The following AJAP1 variants were observed in gnomAD, a reference collection of about 807,000 sequenced individuals.
AJAP1 encodes adherens junction-associated protein 1.
In AJAP1, 5 loss-of-function variants were observed where a neutral mutation model predicts 35.0. That is an observed-to-expected ratio of 0.14 (90% CI 0.07 to 0.30). The LOEUF (loss-of-function observed/expected upper bound fraction) is 0.30. AJAP1 is among the 10% of genes least tolerant of loss of function. AJAP1 has a pLI of 1.00. For synonymous variants in AJAP1, 284 were observed against 249.3 expected (o/e 1.14, Z -1.31); for missense variants, 586 against 571.0 (o/e 1.03, Z -0.27).
intron 2 of AJAP1, among the ~76,000 whole-genome samples, chr1:4,727,858 C>T (rs968104119): frequency 8.5e-5 from 13 of 152,318 alleles, no homozygotes; most frequent in Middle Eastern, 3.4e-3. Flanking sequence ...GCCTAGTGCT[C>T]GGTCCTTCAG....
intron 2 of AJAP1, among the ~76,000 whole-genome samples, chr1:4,744,355 C>T (rs1468673932): frequency 6.6e-6 from 1 of 152,132 alleles, no homozygotes; most frequent in Admixed American, 6.5e-5. Context: ...GGGCTGAGAA[C>T]GTAAGTGATT....
chr1:4,694,817 T>C (rs1639822049), intron 1 of AJAP1, among the ~76,000 whole-genome samples: 1 of 152,052 alleles, frequency 6.6e-6, no homozygotes, highest in African/African-American at 2.4e-5. Context: ...GAGCTTTAGG[T>C]TGTGAGCACA....
In AJAP1 at chr1:4,656,441, C is replaced by T. The variant is rs1638884177; in HGVS notation, c.29+987C>T. Among the ~76,000 whole-genome samples, 1 of 152,188 alleles carries T rather than the reference C, an allele frequency of 6.6e-6. No homozygotes were observed. The highest frequency in any genetic ancestry group is 1.5e-5 in the Non-Finnish European group (1 of 68,036). On this transcript the variant is annotated intron_variant, in intron 1 of 5. Coordinates refer to ENST00000378191, the MANE Select transcript of AJAP1 (RefSeq NM_018836.4). This position sits in a 1 kb window ranked among gnomAD's most constrained non-coding sequence, Gnocchi z 5.7. ...GGACAGAGGTGGAGGCGGAGAGCAGCGTGCGGTTCTCGAGTTTGTCCACTG... is the reference window on the plus strand; with the variant it reads ...GGACAGAGGTGGAGGCGGAGAGCAGTGTGCGGTTCTCGAGTTTGTCCACTG...
At chr1:4,774,051 T>C (rs1256849896) in intron 4 of AJAP1, among the ~76,000 whole-genome samples, 2 of 152,214 alleles carry the variant, frequency 1.3e-5, no homozygotes, top group African/African-American at 4.8e-5. Flanking sequence ...GTTCTATCCT[T>C]TCTGTCATGT....
Position 4,734,033 on chromosome 1 carries a change from T to G in AJAP1, c.829+21334T>G. ...TTGCCGGAGCTCCAATTAGCGGCTT[T>G]TGTAAGCGATCACGTACCGAGTATT... On this transcript the variant is annotated intron_variant, in intron 2 of 5. Coordinates refer to ENST00000378191, the MANE Select transcript of AJAP1 (RefSeq NM_018836.4). The surrounding 1 kb of genome is among the most constrained non-coding windows in gnomAD (Gnocchi z 4.3). Among the ~76,000 whole-genome samples, 1 of 152,212 alleles carries G rather than the reference T, an allele frequency of 6.6e-6. No individual in the cohort carries two copies. Among genetic ancestry groups the G allele is most frequent in the East Asian group, 1.9e-4 (1 of 5,182 alleles).
At chr1:4,735,030 C>T (rs867912630) in intron 2 of AJAP1, among the ~76,000 whole-genome samples, 3 of 152,228 alleles carry the variant, frequency 2.0e-5, no homozygotes, top group South Asian at 4.1e-4. Flanking sequence ...AGCCGTCCTG[C>T]TTTGCTTACA....
chr1:4,752,167 AGAG>A (rs1005201402), intron 2 of AJAP1, among the ~76,000 whole-genome samples: 5 of 147,524 alleles, frequency 3.4e-5, no homozygotes, highest in Admixed American at 6.8e-5. Flanking sequence ...AGGAGGGAGG[AGAG>A]GAGGAGGAGG....
intron 2 of AJAP1, among the ~76,000 whole-genome samples, chr1:4,756,933 TCCCTAGCCTC>T (rs915213676): frequency 6.6e-6 from 1 of 152,010 alleles, no homozygotes; most frequent in Non-Finnish European, 1.5e-5. Flanking sequence ...CCCCTAGCCC[TCCCTAGCCTC>T]ATCTCTGTCA....
intron 4 of AJAP1, among the ~76,000 whole-genome samples, chr1:4,772,911 G>A (rs533900302): frequency 1.3e-5 from 2 of 152,100 alleles, no homozygotes; most frequent in South Asian, 4.1e-4. Flanking sequence ...CGGAGTCAGC[G>A]TCTCTGAGCC....
intron 1 of AJAP1, among the ~76,000 whole-genome samples, chr1:4,676,638 G>A (rs554439266): frequency 1.3e-5 from 2 of 152,286 alleles, no homozygotes; most frequent in South Asian, 2.1e-4. Flanking sequence ...CGGGAGTGAG[G>A]GAGACTGGAT....
chr1:4,669,455 G>A (rs573170509), intron 1 of AJAP1, among the ~76,000 whole-genome samples: 2 of 152,294 alleles, frequency 1.3e-5, no homozygotes, highest in South Asian at 4.1e-4. Context: ...CCTTCACAGG[G>A]CGGCAGGATG....
chr1:4,773,739 G>A (rs1208552194), intron 4 of AJAP1, among the ~76,000 whole-genome samples: 2 of 152,238 alleles, frequency 1.3e-5, no homozygotes, highest in Non-Finnish European at 2.9e-5. Context: ...TGGCTTGGAC[G>A]TGAATCTGGG....
At chr1:4,717,612 C>T (rs982272522) in intron 2 of AJAP1, among the ~76,000 whole-genome samples, 9 of 152,158 alleles carry the variant, frequency 5.9e-5, no homozygotes, top group African/African-American at 1.7e-4. Flanking sequence ...TCCTTGTCAC[C>T]GAGTGGGAGC....
At chr1:4,735,521 G>A (rs949327287) in intron 2 of AJAP1, among the ~76,000 whole-genome samples, 10 of 152,314 alleles carry the variant, frequency 6.6e-5, no homozygotes, top group African/African-American at 2.4e-4. Flanking sequence ...TCTGCCTGTG[G>A]CACTGGCCTA....
chr1:4,766,210 T>A (rs1570215834), intron 2 of AJAP1, among the ~76,000 whole-genome samples: 1 of 136,924 alleles, frequency 7.3e-6, no homozygotes, highest in Non-Finnish European at 1.7e-5. Flanking sequence ...CCATTGTCTG[T>A]GGCTGCTTTT....
chr1:4,711,073 CA>C (rs1396167001), intron 1 of AJAP1: 1 of 152,274 alleles, frequency 6.6e-6, no homozygotes, highest in Non-Finnish European at 1.5e-5. Context: ...ACCGGCACTG[CA>C]GATAAACAGG....
rs1642228033 is a variant in AJAP1, at chr1:4,790,239, T to A, written c.*7754T>A. The A allele has an allele frequency of 6.6e-6, 1 of 152,260 alleles. No homozygotes were observed. The highest frequency in any genetic ancestry group is 1.5e-5 in the Non-Finnish European group (1 of 68,044). 9.4% of individuals were successfully genotyped at this position (152,260 alleles called of 1,614,324 possible). ...ACCCTCTCCTGTTGCCTCCGCAGTC[T>A]ATTCTGGGGTGGAAACACCATTCTC... On this transcript the variant is annotated 3_prime_UTR_variant, in exon 6 of 6. Transcript: ENST00000378191.
Position 4,712,275 on chromosome 1 carries a change from G to C in AJAP1, c.405G>C (p.Ser135=), listed in dbSNP as rs1230640332. 2.0e-6 allele frequency: 3 copies of C among 1,512,192 alleles called. No homozygotes were observed. Among genetic ancestry groups the C allele is most frequent in the African/African-American group, 1.4e-5 (1 of 71,556 alleles). 93.7% of individuals were successfully genotyped at this position (1,512,192 alleles called of 1,614,324 possible). A position where few individuals can be genotyped will look rare whatever the true frequency, so the allele number is the denominator to read the frequency against. Residue 135 remains serine, a synonymous_variant, in exon 2 of 6, where the codon TCG becomes TCC. Transcript: ENST00000378191. ...KSSPSLASSS[S]SSSSAVAGGA... ...GCCCTTCCCTCGCCTCTTCGTCCTC[G>C]TCCTCGTCCTCCGCGGTGGCCGGTG...
Position 4,748,183 on chromosome 1 carries a change from G to A in AJAP1, c.830-21670G>A, listed in dbSNP as rs142542528. ...CTCGCCCCTGCATCCTCCCCTCCCC[G>A]TCCATCAGCTACTCCCTCCCATTGA... On this transcript the variant is annotated intron_variant, in intron 2 of 5. Transcript: ENST00000378191. Among the ~76,000 whole-genome samples the A allele has an allele frequency of 1.7e-3, 255 of 151,874 alleles. 2 individuals carry two copies. The highest frequency in any genetic ancestry group is 5.7e-3 in the African/African-American group (237 of 41,410).
Sources: gnomAD v4.1 joint callset for allele counts (sites outside exome capture counted in the v4.1 genomes callset) on GRCh38, gnomAD v4.1.1 for gene constraint, Gnocchi (gnomAD v3.1) non-coding constraint, MANE v1.5 for transcripts, NCBI Gene and HGNC (gene_info 2026-07-23, HGNC 2026-07-21) for gene names.